The following CDH18 variants were observed in gnomAD, a reference collection of about 807,000 sequenced individuals.
CDH18 encodes the protein cadherin-18.
A neutral mutation model predicts 67.9 loss-of-function variants in CDH18; 31 were observed. That is an observed-to-expected ratio of 0.46 (90% confidence interval 0.34 to 0.62). The LOEUF (loss-of-function observed/expected upper bound fraction) is 0.62. Ranked by LOEUF, CDH18 falls within the 20% of genes least tolerant of loss-of-function variation. The pLI, the probability that CDH18 is intolerant of heterozygous loss-of-function variation, is 0.01. For missense variants in CDH18, 890 were observed against 975.5 expected, an observed-to-expected ratio of 0.91 and a Z score of 1.17; for synonymous variants, 362 against 347.2, an observed-to-expected ratio of 1.04 and a Z score of -0.48.
rs768638329 is a variant in CDH18, at chr5:19,721,304, T to G, written c.643+43A>C. The G allele has an allele frequency of 4.0e-6, 6 of 1,508,410 alleles. No individual in the cohort carries two copies. In the East Asian group the frequency reaches 1.4e-4, roughly 34 times the overall value. 93.4% of individuals were successfully genotyped at this position (1,508,410 alleles called of 1,614,324 possible). A position where few individuals can be genotyped will look rare whatever the true frequency, so the allele number is the denominator to read the frequency against. On this transcript the variant is annotated intron_variant, in intron 5 of 12. Transcript: ENST00000382275. ...TAAAAACCATTGCTTTGCAACTTACTGTAGCAAACGCTTGCATGCGAGTTA... is the reference window on the plus strand; with the variant it reads ...TAAAAACCATTGCTTTGCAACTTACGGTAGCAAACGCTTGCATGCGAGTTA...
chr5:20,473,316 C>T (rs1466947988), intron 1 of CDH18, among the ~76,000 whole-genome samples: 2 of 152,010 alleles, frequency 1.3e-5, no homozygotes, highest in African/African-American at 4.8e-5. Context: ...TACATCTTTC[C>T]GAATTTATGT....
In CDH18 at chr5:19,496,707, GA is replaced by G. The variant is rs1489845880; in HGVS notation, c.1630+6284del. Among the ~76,000 whole-genome samples the G allele has an allele frequency of 4.6e-5, 7 of 151,440 alleles. No individual in the cohort carries two copies. The East Asian group carries it at 1.4e-3, about 30-fold the overall frequency. ...AGTGCCTGTAGTCCCAGATACTCGGGAGGCTGAGTTAGGAGAATCGCTTGAA... is the reference window on the plus strand; with the variant it reads ...AGTGCCTGTAGTCCCAGATACTCGGGGGCTGAGTTAGGAGAATCGCTTGAA... On this transcript the variant is annotated intron_variant, in intron 11 of 12. Coordinates refer to ENST00000382275, the MANE Select transcript of CDH18 (RefSeq NM_004934.5).
chr5:19,475,473 C>T (rs1389542337), intron 12 of CDH18, among the ~76,000 whole-genome samples: 1 of 150,690 alleles, frequency 6.6e-6, no homozygotes, highest in African/African-American at 2.4e-5. Context: ...ATATTGCTTT[C>T]ACATCCTTGT....
chr5:19,528,284 G>A (rs1055575002), intron 9 of CDH18, among the ~76,000 whole-genome samples: 1 of 151,476 alleles, frequency 6.6e-6, no homozygotes, highest in African/African-American at 2.4e-5. Flanking sequence ...ACCTTGTGAT[G>A]AACTTTTATG....
At position 20,110,646 on chromosome 5, in the gene CDH18, T is replaced by C. The variant is rs144777880; in HGVS notation, c.-517-118632A>G. ...TTTCAGTTAGCTGAGATCGCACCAC[T>C]GCACTCTGTCTCAAAAAAAAACAAA... On this transcript the variant is annotated intron_variant, in intron 2 of 14. Transcript: ENST00000507958. 3.0e-3 allele frequency among the ~76,000 whole-genome samples: 457 copies of C among 152,242 alleles called. 1 individual carries two copies. The highest frequency in any genetic ancestry group is 4.4e-3 in the Non-Finnish European group (298 of 68,006).
intron 5 of CDH18, among the ~76,000 whole-genome samples, chr5:19,676,302 T>A (rs1759484505): frequency 6.6e-6 from 1 of 152,032 alleles, no homozygotes; most frequent in Non-Finnish European, 1.5e-5. Flanking sequence ...TTACCCCAAC[T>A]TCGCTAAAGA....
chr5:19,486,206 G>A (rs1423106467), intron 11 of CDH18, among the ~76,000 whole-genome samples: 2 of 151,740 alleles, frequency 1.3e-5, no homozygotes, highest in Non-Finnish European at 2.9e-5. Context: ...AGTACAAAAT[G>A]TACTTGGCAG....
intron 4 of CDH18, among the ~76,000 whole-genome samples, chr5:19,742,773 GAATA>G (rs1417512742): frequency 1.3e-5 from 2 of 151,658 alleles, no homozygotes; most frequent in Admixed American, 6.6e-5. Flanking sequence ...AGAAAGAATT[GAATA>G]AATATAAGGA....
At chr5:20,567,434 G>GCCTT (rs1758579507) in intron 1 of CDH18, among the ~76,000 whole-genome samples, 1 of 149,264 alleles carries the variant, frequency 6.7e-6, no homozygotes, top group Non-Finnish European at 1.5e-5. Flanking sequence ...ATGGAGAAGG[G>GCCTT]GCCCCATGGA....
At chr5:20,048,805 TTTATC>T (rs1206820440) in intron 2 of CDH18, among the ~76,000 whole-genome samples, 4 of 151,594 alleles carry the variant, frequency 2.6e-5, no homozygotes, top group Non-Finnish European at 4.4e-5. Flanking sequence ...AATGGAGACT[TTTATC>T]TAGTAGGTTT....
At chr5:20,247,759 C>CAAAAA (rs34347567) in intron 2 of CDH18, among the ~76,000 whole-genome samples, 1 of 129,268 alleles carries the variant, frequency 7.7e-6, no homozygotes, top group African/African-American at 2.9e-5. Context: ...GCGAGACCAT[C>CAAAAA]AAAAAAAAAA....
intron 1 of CDH18, among the ~76,000 whole-genome samples, chr5:20,528,523 A>G (rs1170405825): frequency 6.6e-6 from 1 of 152,070 alleles, no homozygotes; most frequent in Non-Finnish European, 1.5e-5. Context: ...TACTCAGCAA[A>G]TGCAAAATAA....
At chr5:20,101,773 T>C (rs1746487979) in intron 2 of CDH18, among the ~76,000 whole-genome samples, 1 of 152,150 alleles carries the variant, frequency 6.6e-6, no homozygotes, top group African/African-American at 2.4e-5. Context: ...AGAAAGGCTG[T>C]GTTAGAAACA....
intron 1 of CDH18, among the ~76,000 whole-genome samples, chr5:20,460,431 AT>A (rs1751176388): frequency 2.0e-5 from 3 of 151,416 alleles, no homozygotes; most frequent in Non-Finnish European, 2.9e-5. Flanking sequence ...AAATAAATAA[AT>A]AAATAAATAA....
At chr5:19,508,928 C>T (rs1323573641) in intron 10 of CDH18, among the ~76,000 whole-genome samples, 7 of 149,410 alleles carry the variant, frequency 4.7e-5, no homozygotes, top group East Asian at 2.0e-4. Context: ...GCCAGAGGCA[C>T]GATCTCTCAA....
At chr5:19,574,236 G>C (rs1741927917) in intron 7 of CDH18, among the ~76,000 whole-genome samples, 1 of 152,092 alleles carries the variant, frequency 6.6e-6, no homozygotes, top group Admixed American at 6.6e-5. Context: ...CCTACCTACT[G>C]CTACGGTGCA....
At chr5:19,586,347 ACCCTCT>A (rs1291611558) in intron 7 of CDH18, among the ~76,000 whole-genome samples, 2 of 151,682 alleles carry the variant, frequency 1.3e-5, no homozygotes, top group Non-Finnish European at 2.9e-5. Context: ...ATACTTCCTG[ACCCTCT>A]CCCTTCTCCC....
intron 2 of CDH18, among the ~76,000 whole-genome samples, chr5:20,199,167 T>C (rs1739237817): frequency 6.6e-6 from 1 of 152,128 alleles, no homozygotes; most frequent in Admixed American, 6.5e-5. Context: ...GATCTTAGAA[T>C]GAGAGCTCCA....
intron 2 of CDH18, among the ~76,000 whole-genome samples, chr5:20,039,779 A>C (rs1053587391): frequency 3.3e-5 from 5 of 152,202 alleles, no homozygotes; most frequent in Non-Finnish European, 7.3e-5. Context: ...TTCAGGACAT[A>C]GGCATGGGCA....
Sources: allele counts gnomAD v4.1 joint callset (sites outside exome capture counted in the v4.1 genomes callset), GRCh38; gene constraint gnomAD v4.1.1; transcripts MANE v1.5; gene names NCBI Gene and HGNC (gene_info 2026-07-23, HGNC 2026-07-21).